The following REV3L variants were observed in gnomAD, a reference collection of about 807,000 sequenced individuals.
REV3L encodes REV3 like, DNA directed polymerase zeta catalytic subunit.
Under a neutral mutation model 299.4 loss-of-function variants are expected in REV3L, and 69 were observed. The observed-to-expected ratio is 0.23, with a 90% confidence interval of 0.19 to 0.28. REV3L has a LOEUF of 0.28. REV3L is among the 10% of genes least tolerant of loss of function. The probability of loss-of-function intolerance (pLI) is 1.00; values close to 1 mark genes in which losing one functional copy is unlikely to be tolerated. For missense variants in REV3L, 3,128 were observed against 3,693.8 expected, an observed-to-expected ratio of 0.85 and a Z score of 3.97; for synonymous variants, 1,238 against 1,271.4, an observed-to-expected ratio of 0.97 and a Z score of 0.56.
At chr6:111,309,718 G>T (rs1023595090) in intron 30 of REV3L, 135 bp downstream of exon 30, 4 of 938,186 alleles carry the variant, frequency 4.3e-6, no homozygotes, top group Non-Finnish European at 4.6e-6. Flanking sequence ...CCCGCTTTCC[G>T]TATCATTTTA....
At chr6:111,419,792 A>G (rs1785118346) in intron 1 of REV3L, among the ~76,000 whole-genome samples, 1 of 152,168 alleles carries the variant, frequency 6.6e-6, no homozygotes, top group Non-Finnish European at 1.5e-5. Context: ...GAATGTTTTT[A>G]TAAAATTAGT....
rs1277087616 is a variant in REV3L at position 111,372,584 on chromosome 6, A to G, written c.5759+12T>C. 3 of 1,474,822 alleles carry G rather than the reference A, an allele frequency of 2.0e-6. No homozygotes were observed. Among genetic ancestry groups the G allele is most frequent in the African/African-American group, 2.8e-5 (2 of 70,846 alleles). 91.4% of individuals were successfully genotyped at this position (1,474,822 alleles called of 1,614,324 possible). A position where few individuals can be genotyped will look rare whatever the true frequency, so the allele number is the denominator to read the frequency against. On this transcript the variant is annotated intron_variant, in intron 13 of 31. Transcript: ENST00000368802. ...AATTCAGAGTGACCCAAGGGAAAAAATAACTGATTACCTGGGCTTTTCTGG... is the reference window on the plus strand; with the variant it reads ...AATTCAGAGTGACCCAAGGGAAAAAGTAACTGATTACCTGGGCTTTTCTGG...
intron 1 of REV3L, among the ~76,000 whole-genome samples, chr6:111,474,678 T>C (rs1306925557): frequency 6.6e-6 from 1 of 152,202 alleles, no homozygotes; most frequent in African/African-American, 2.4e-5. Flanking sequence ...AACTTTGAAT[T>C]AGAAGATCTC....
chr6:111,395,918 A>G (rs1212779173), intron 4 of REV3L, among the ~76,000 whole-genome samples: 1 of 152,212 alleles, frequency 6.6e-6, no homozygotes, highest in Non-Finnish European at 1.5e-5. Flanking sequence ...ATTTTATCAA[A>G]TAACTTTTCT....
intron 1 of REV3L, among the ~76,000 whole-genome samples, chr6:111,427,946 C>T (rs909584475): frequency 7.9e-5 from 12 of 151,470 alleles, no homozygotes; most frequent in Non-Finnish European, 1.6e-4. Context: ...AGGTTCATTT[C>T]ACAGGTTCAT....
At chr6:111,443,641 C>T (rs946180117) in intron 1 of REV3L, among the ~76,000 whole-genome samples, 2 of 152,108 alleles carry the variant, frequency 1.3e-5, no homozygotes, top group Non-Finnish European at 2.9e-5. Flanking sequence ...CTACTGAATG[C>T]CTGGTGTATT....
At chr6:111,417,722 CT>C (rs1784920807) in intron 1 of REV3L, among the ~76,000 whole-genome samples, 1 of 152,144 alleles carries the variant, frequency 6.6e-6, no homozygotes, top group South Asian at 2.1e-4. Context: ...ATTAGCTTCT[CT>C]TATTTTTAAG....
In REV3L at chr6:111,373,253, T is replaced by A; in HGVS notation, c.5102A>T (p.Asn1701Ile). The change falls in exon 13 of 32, where the codon AAC becomes ATC. Residue 1701 changes from asparagine (N) to isoleucine (I), a missense_variant. Around this residue, in one of 9 missense-constraint regions of REV3L, gnomAD observed 2,409 missense variants for 2,611.8 expected, o/e 0.92. Coordinates refer to ENST00000368802, the MANE Select transcript of REV3L (RefSeq NM_001372078.1). ...IEKNEFLSHD[N>I]QKCDEDKHHT... ...ATGCTTGTCTTCATCACATTTCTGGTTGTCATGACTTAAAAACTCATTTTT... is the reference window on the plus strand; with the variant it reads ...ATGCTTGTCTTCATCACATTTCTGGATGTCATGACTTAAAAACTCATTTTT... 2 of 1,614,072 alleles carry A rather than the reference T, an allele frequency of 1.2e-6. No homozygotes were observed. The highest frequency in any genetic ancestry group is 1.7e-6 in the Non-Finnish European group (2 of 1,179,994).
intron 1 of REV3L, among the ~76,000 whole-genome samples, chr6:111,480,382 CAG>C (rs761923724): frequency 1.3e-5 from 2 of 152,102 alleles, no homozygotes; most frequent in East Asian, 3.8e-4. Context: ...TTCTAGCATT[CAG>C]AGTTTTACTA....
intron 1 of REV3L, among the ~76,000 whole-genome samples, chr6:111,470,220 A>G (rs986530446): frequency 2.6e-5 from 4 of 151,516 alleles, no homozygotes; most frequent in Non-Finnish European, 4.4e-5. Flanking sequence ...ACAAATGTGA[A>G]TAAGAATATA....
At chr6:111,431,958 A>G (rs77731200) in intron 1 of REV3L, among the ~76,000 whole-genome samples, 14,784 of 151,492 alleles carry the variant, frequency 0.098, 942 homozygotes, top group Non-Finnish European at 0.15. Context: ...GGACCTGAGG[A>G]AAAAAAAAGA....
Position 111,374,668 on chromosome 6 carries a change from T to A in REV3L, c.3687A>T (p.Glu1229Asp), listed in dbSNP as rs369618915. ...TSRKHTTLKD[E>D]KIKSQSGAEV... The stretch of plus-strand genomic sequence containing the variant: ...CAGCACCAGACTGAGATTTTATTTT[T>A]TCATCCTTAAGTGTTGTATGCTTTC... Residue 1229 changes from glutamate to aspartate, a missense_variant, in exon 13 of 32, where the codon GAA becomes GAT. Glu to Asp is a conservative substitution (Grantham distance 45). Coordinates refer to ENST00000368802, the MANE Select transcript of REV3L (RefSeq NM_001372078.1). 1.1e-5 allele frequency: 17 copies of A among 1,613,476 alleles called. No individual in the cohort carries two copies. The highest frequency in any genetic ancestry group is 1.4e-5 in the Non-Finnish European group (17 of 1,179,904).
chr6:111,315,616 TC>T, intron 26 of REV3L: 1 of 482,464 alleles, frequency 2.1e-6, no homozygotes, highest in Admixed American at 3.3e-5. Flanking sequence ...ACAGATCAGC[TC>T]AGATATCCCA....
intron 1 of REV3L, among the ~76,000 whole-genome samples, chr6:111,442,011 G>T (rs942682698): frequency 1.3e-5 from 2 of 152,236 alleles, no homozygotes; most frequent in Non-Finnish European, 2.9e-5. Flanking sequence ...GGTGAAACAG[G>T]AAGAATAAAG....
Position 111,311,267 on chromosome 6 carries a change from C to A in REV3L, c.8605-8G>T. On this transcript the variant is annotated splice_region_variant and splice_polypyrimidine_tract_variant and intron_variant, in intron 28 of 31. Transcript: ENST00000368802. ...TAGAGAACGCTCAAGTATCTTAAAACAAAAAAGATATGCAAGTAAAGATAA... is the reference window on the plus strand; with the variant it reads ...TAGAGAACGCTCAAGTATCTTAAAAAAAAAAAGATATGCAAGTAAAGATAA... The A allele has an allele frequency of 6.3e-7, 1 of 1,576,958 alleles. No homozygotes were observed. The highest frequency in any genetic ancestry group is 1.9e-5 in the Admixed American group (1 of 53,796).
At chr6:111,444,909 C>T (rs1376435583) in intron 1 of REV3L, among the ~76,000 whole-genome samples, 1 of 152,218 alleles carries the variant, frequency 6.6e-6, no homozygotes, top group East Asian at 1.9e-4. Flanking sequence ...GAACTGAATA[C>T]TGTTCATCCT....
rs372583604 is a variant in REV3L, at chr6:111,376,323, A to C, written c.2032T>G (p.Tyr678Asp). Residue 678 changes from tyrosine to aspartate, a missense_variant, in exon 13 of 32, where the codon TAT becomes GAT. This residue lies in a region of REV3L where 2,409 missense variants were observed against 2,611.8 expected (regional missense o/e 0.92). Transcript: ENST00000368802. ...SVTRQVPSRK[Y>D]TNIRKIEKDS... ...TTTTCGATTTTTCTAATGTTTGTAT[A>C]TTTTCTACTTGGTACTTGTCTTGTA... The C allele has an allele frequency of 6.2e-7, 1 of 1,613,206 alleles. No individual in the cohort carries two copies. Among genetic ancestry groups the C allele is most frequent in the Non-Finnish European group, 8.5e-7 (1 of 1,179,692 alleles).
chr6:111,310,579 A>G (rs1200426146), intron 29 of REV3L: 1 of 155,764 alleles, frequency 6.4e-6, no homozygotes, highest in African/African-American at 2.4e-5. Flanking sequence ...TGGGAGGTCA[A>G]GGCTGCAGTG....
chr6:111,468,667 G>A (rs1791806198), intron 1 of REV3L, among the ~76,000 whole-genome samples: 1 of 152,172 alleles, frequency 6.6e-6, no homozygotes, highest in African/African-American at 2.4e-5. Flanking sequence ...TATTGCTGGT[G>A]GGAGTACAGA....
Sources: allele counts gnomAD v4.1 joint callset (sites outside exome capture counted in the v4.1 genomes callset), GRCh38; gene constraint gnomAD v4.1.1; regional missense constraint gnomAD v4.1.1; transcripts MANE v1.5; gene names NCBI Gene and HGNC (gene_info 2026-07-23, HGNC 2026-07-21).